Variants in FZR1 observed in about 807,000 individuals in gnomAD.
FZR1 encodes the protein fizzy and cell division cycle 20 related 1.
FZR1 carries 11 observed loss-of-function variants against 63.6 expected under a neutral mutation model. The ratio of observed to expected loss-of-function variants is 0.17; its 90% confidence interval spans 0.11 to 0.29. The LOEUF is 0.29. FZR1 is among the 10% of genes least tolerant of loss of function. FZR1 has a pLI of 1.00. For missense variants in FZR1, 440 were observed against 687.5 expected, an observed-to-expected ratio of 0.64 and a Z score of 4.03; for synonymous variants, 328 against 297.9, an observed-to-expected ratio of 1.10 and a Z score of -1.04.
chr19:3,525,092 T>C lies in FZR1; in HGVS notation c.70-776T>C, dbSNP rs2083139738. Reference sequence around the variant, plus strand: ...TGTTGTGGGCAGCAGGAGATGGGGATGAGGGCCACACTCCCAGGTGGCTCT... The same window carrying C: ...TGTTGTGGGCAGCAGGAGATGGGGACGAGGGCCACACTCCCAGGTGGCTCT... On this transcript the variant is annotated intron_variant, in intron 2 of 13. Transcript: ENST00000441788. This position sits in a 1 kb window ranked among gnomAD's most constrained non-coding sequence, Gnocchi z 4.2. Among the ~76,000 whole-genome samples, 2 of 152,088 alleles carry C rather than the reference T, an allele frequency of 1.3e-5. No homozygotes were observed. Among genetic ancestry groups the C allele is most frequent in the Admixed American group, 1.3e-4 (2 of 15,266 alleles).
intron 1 of FZR1, among the ~76,000 whole-genome samples, chr19:3,511,711 C>A (rs11672955): frequency 6.6e-6 from 1 of 152,008 alleles, no homozygotes; most frequent in Non-Finnish European, 1.5e-5. Flanking sequence ...GAATGAATGA[C>A]GTGCACGGGG....
chr19:3,535,128 A>C lies in FZR1; in HGVS notation c.*292A>C. 2.1e-6 allele frequency: 1 copy of C among 480,578 alleles called. No homozygotes were observed. Among genetic ancestry groups the C allele is most frequent in the South Asian group, 2.2e-5 (1 of 44,898 alleles). The allele number at this position is 480,578 out of a possible 1,614,324, so 29.8% of individuals were successfully genotyped here. A position where few individuals can be genotyped will look rare whatever the true frequency, so the allele number is the denominator to read the frequency against. On this transcript the variant is annotated 3_prime_UTR_variant, in exon 14 of 14. Transcript: ENST00000441788. ...GTCCCGGCTCAGACCGTCTGTACTC[A>C]GAGCGACGGATGCCCCCTGGGACCC...
chr19:3,533,004 C>T lies in FZR1; in HGVS notation c.1243-290C>T, dbSNP rs2083263350. 6.6e-6 allele frequency among the ~76,000 whole-genome samples: 1 copy of T among 152,076 alleles called. No homozygotes were observed. The highest frequency in any genetic ancestry group is 1.5e-5 in the Non-Finnish European group (1 of 67,990). ...TGCTCCAGCCACTCCGGGCGTGTCA[C>T]CAGGACAGTCTCGGGGGTGACTTGC... is the stretch of plus-strand genomic sequence containing the variant. On this transcript the variant is annotated intron_variant, in intron 11 of 13. Transcript: ENST00000441788. This position sits in a 1 kb window ranked among gnomAD's most constrained non-coding sequence, Gnocchi z 4.9.
chr19:3,538,316 A>C lies in FZR1; in HGVS notation c.*3480A>C. 5.8e-6 allele frequency: 1 copy of C among 171,268 alleles called. No individual in the cohort carries two copies. 10.6% of individuals were successfully genotyped at this position (171,268 alleles called of 1,614,324 possible). ...TTTGTTTATTGTGGTAAAATACAAA[A>C]TCTACCGTCTTACAGTGAGGTGGCG... On this transcript the variant is annotated 3_prime_UTR_variant, in exon 14 of 14. Transcript: ENST00000441788.
intron 7 of FZR1, among the ~76,000 whole-genome samples, chr19:3,530,224 G>GAGAGT (rs2083227883): frequency 7.2e-6 from 1 of 138,746 alleles, no homozygotes; most frequent in Non-Finnish European, 1.6e-5. Context: ...GAGAGTGGAT[G>GAGAGT]GGTGAGCGGA....
intron 1 of FZR1, among the ~76,000 whole-genome samples, chr19:3,509,451 A>C (rs1012402087): frequency 2.6e-5 from 4 of 151,826 alleles, no homozygotes; most frequent in South Asian, 2.1e-4. Context: ...TTCTTTCTTT[A>C]TTTAATTTTT....
chr19:3,529,333 AGAGTGGTTGAGG>A (rs2083204746), intron 7 of FZR1, among the ~76,000 whole-genome samples: 1 of 103,146 alleles, frequency 9.7e-6, no homozygotes, highest in South Asian at 3.6e-4. Context: ...AGAGTGGATG[AGAGTGGTTGAGG>A]GAGTGGATGG....
chr19:3,533,447 T>A lies in FZR1; in HGVS notation c.1347+49T>A. On this transcript the variant is annotated intron_variant, in intron 12 of 13. Transcript: ENST00000441788. The surrounding 1 kb of genome is among the most constrained non-coding windows in gnomAD (Gnocchi z 4.9). Reference sequence around the variant, plus strand: ...AGGTGCCCCGGGATTCTGGACAAACTGCCATGGCCACCCCAGAGCACCCTG... The same window carrying A: ...AGGTGCCCCGGGATTCTGGACAAACAGCCATGGCCACCCCAGAGCACCCTG... The A allele has an allele frequency of 8.8e-7, 1 of 1,135,506 alleles. No individual in the cohort carries two copies. Among genetic ancestry groups the A allele is most frequent in the Non-Finnish European group, 1.3e-6 (1 of 746,962 alleles). The allele number at this position is 1,135,506 out of a possible 1,614,324, so 70.3% of individuals were successfully genotyped here. A position where few individuals can be genotyped will look rare whatever the true frequency, so the allele number is the denominator to read the frequency against.
chr19:3,532,404 C>A lies in FZR1; in HGVS notation c.1009-13C>A. 1 of 1,581,170 alleles carries A rather than the reference C, an allele frequency of 6.3e-7. No homozygotes were observed. The highest frequency in any genetic ancestry group is 8.6e-7 in the Non-Finnish European group (1 of 1,160,508). On this transcript the variant is annotated splice_polypyrimidine_tract_variant and intron_variant, in intron 10 of 13. Transcript: ENST00000441788. ...GCTGGGACAGCCCCGGCCTCACAGC[C>A]CCTGTCCCCCAGCTGCTGGTCTGGA... is the stretch of plus-strand genomic sequence containing the variant.
intron 8 of FZR1, among the ~76,000 whole-genome samples, chr19:3,531,490 G>A (rs976830929): frequency 2.6e-5 from 4 of 152,252 alleles, no homozygotes; most frequent in African/African-American, 9.6e-5. Context: ...AGTCTTGGCT[G>A]GACTCTGAGA....
chr19:3,526,329 G>A lies in FZR1; in HGVS notation c.330G>A (p.Pro110=), dbSNP rs768815657. The part of the protein sequence containing the change: ...LGAGIEKVQD[P]QTEDRRLQPS... ...CCGGCATCGAGAAGGTGCAGGACCC[G>A]CAGACTGAGGACCGCAGGCTGCAGC... Residue 110 remains proline (P), a synonymous_variant, in exon 5 of 14, where the codon CCG becomes CCA. Coordinates refer to ENST00000441788, the MANE Select transcript of FZR1 (RefSeq NM_016263.4). The surrounding 1 kb of genome is among the most constrained non-coding windows in gnomAD (Gnocchi z 5.4). 27 of 1,602,306 alleles carry A rather than the reference G, an allele frequency of 1.7e-5. No homozygotes were observed. The highest frequency in any genetic ancestry group is 2.3e-5 in the East Asian group (1 of 44,184).
Position 3,536,003 on chromosome 19 carries a change from C to G in FZR1, c.*1167C>G, listed in dbSNP as rs926353337. 1 of 152,434 alleles carries G rather than the reference C, an allele frequency of 6.6e-6. No homozygotes were observed. Among genetic ancestry groups the G allele is most frequent in the African/African-American group, 2.4e-5 (1 of 41,452 alleles). The allele number at this position is 152,434 out of a possible 1,614,324, so 9.4% of individuals were successfully genotyped here. A position where few individuals can be genotyped will look rare whatever the true frequency, so the allele number is the denominator to read the frequency against. On this transcript the variant is annotated 3_prime_UTR_variant, in exon 14 of 14. Coordinates refer to ENST00000441788, the MANE Select transcript of FZR1 (RefSeq NM_016263.4). ...AGCTGAGCACTGCCCCCTCACCCCC[C>G]CACCACCCCTTCCCATTTCATCGGT...
In FZR1 at chr19:3,531,928, G is replaced by C; in HGVS notation, c.841G>C (p.Ala281Pro). The C allele has an allele frequency of 6.3e-7, 1 of 1,595,580 alleles. No individual in the cohort carries two copies. The highest frequency in any genetic ancestry group is 8.5e-7 in the Non-Finnish European group (1 of 1,174,032). The change falls in exon 10 of 14, where the codon GCT (alanine) becomes CCT (proline). Residue 281 changes from alanine (A) to proline (P), a missense_variant. Ala to Pro is a conservative substitution (Grantham distance 27). Coordinates refer to ENST00000441788, the MANE Select transcript of FZR1 (RefSeq NM_016263.4). ...TARVGALAWN[A>P]EQLSSGSRDR... The stretch of plus-strand genomic sequence containing the variant: ...GCCTCCAGGGGCGCTGGCCTGGAAT[G>C]CTGAGCAGCTGTCGTCCGGGAGCCG...
At chr19:3,522,503 C>T (rs534080100) in intron 1 of FZR1, among the ~76,000 whole-genome samples, 6 of 152,278 alleles carry the variant, frequency 3.9e-5, no homozygotes, top group African/African-American at 9.6e-5. Context: ...CCCACGTGGC[C>T]GGCCCGGGGC....
Position 3,516,283 on chromosome 19 carries a change from G to C in FZR1, c.-34-6673G>C, listed in dbSNP as rs1208028930. Among the ~76,000 whole-genome samples, 2 of 152,206 alleles carry C rather than the reference G, an allele frequency of 1.3e-5. No individual in the cohort carries two copies. Among genetic ancestry groups the C allele is most frequent in the Non-Finnish European group, 1.5e-5 (1 of 68,042 alleles). On this transcript the variant is annotated intron_variant, in intron 1 of 13. Coordinates refer to ENST00000441788, the MANE Select transcript of FZR1 (RefSeq NM_016263.4). This position sits in a 1 kb window ranked among gnomAD's most constrained non-coding sequence, Gnocchi z 6.0. ...GGTGGTGTCCTCGGTTGGATTGGCA[G>C]CTCCTGACTGCGAGGGAGGACTGGT...
At chr19:3,528,586 C>T (rs2083187462) in intron 7 of FZR1, among the ~76,000 whole-genome samples, 1 of 152,006 alleles carries the variant, frequency 6.6e-6, no homozygotes, top group African/African-American at 2.4e-5. Flanking sequence ...AGTGACCAAC[C>T]CAGCGACCCC....
intron 7 of FZR1, among the ~76,000 whole-genome samples, chr19:3,528,911 T>A (rs1242871277): frequency 2.2e-5 from 3 of 133,790 alleles, no homozygotes; most frequent in Non-Finnish European, 4.8e-5. Flanking sequence ...AGTGGATGTT[T>A]GAGTGGATGG....
At position 3,532,523 on chromosome 19, in the gene FZR1, C is replaced by T; in HGVS notation, c.1115C>T (p.Ala372Val). The T allele has an allele frequency of 6.2e-7, 1 of 1,611,706 alleles. No individual in the cohort carries two copies. Among genetic ancestry groups the T allele is most frequent in the Non-Finnish European group, 8.5e-7 (1 of 1,179,172 alleles). Reference sequence around the variant, plus strand: ...TCCCCACATCAGCACGGGCTGCTGGCCTCGGGGGGCGGCACAGCTGACCGC... The same window carrying T: ...TCCCCACATCAGCACGGGCTGCTGGTCTCGGGGGGCGGCACAGCTGACCGC... ...AWSPHQHGLL[A>V]SGGGTADRCI... is the part of the protein sequence containing the mutation. Residue 372 changes from alanine to valine, a missense_variant, in exon 11 of 14, where the codon GCC becomes GTC. Around this residue, in one of 5 missense-constraint regions of FZR1, gnomAD observed 208 missense variants for 363.6 expected, o/e 0.57. Transcript: ENST00000441788.
At chr19:3,521,593 C>G (rs564774597) in intron 1 of FZR1, among the ~76,000 whole-genome samples, 1 of 152,148 alleles carries the variant, frequency 6.6e-6, no homozygotes, top group East Asian at 1.9e-4. Flanking sequence ...CCTTCACCTC[C>G]CGGGTTCAAG....
Sources: allele counts gnomAD v4.1 joint callset (sites outside exome capture counted in the v4.1 genomes callset), GRCh38; gene constraint gnomAD v4.1.1; regional missense constraint gnomAD v4.1.1; non-coding constraint Gnocchi (gnomAD v3.1); transcripts MANE v1.5; gene names NCBI Gene and HGNC (gene_info 2026-07-23, HGNC 2026-07-21).